Variants in PIAS4 observed in about 807,000 individuals in gnomAD.
The protein encoded by PIAS4 is E3 SUMO-protein ligase PIAS4.
A neutral mutation model predicts 58.0 loss-of-function variants in PIAS4; 7 were observed. That is an observed-to-expected ratio of 0.12 (90% CI 0.07 to 0.23). The LOEUF is 0.23. Among genes scored for constraint, PIAS4 ranks in the 10% least tolerant of loss-of-function variants. The pLI is 1.00. For synonymous variants in PIAS4, 364 were observed against 312.4 expected (o/e 1.17, Z -1.74); for missense variants, 550 against 709.5 (o/e 0.78, Z 2.55).
At chr19:4,030,719 C>CGGCT (rs1191675338) in intron 7 of PIAS4, among the ~76,000 whole-genome samples, 4 of 152,172 alleles carry the variant, frequency 2.6e-5, no homozygotes, top group Admixed American at 2.6e-4. Flanking sequence ...CCCTGCCTGG[C>CGGCT]GGCTGTGTGG....
In PIAS4 at chr19:4,037,436, G is replaced by A; in HGVS notation, c.1205G>A (p.Gly402Asp). 1 of 1,611,750 alleles carries A rather than the reference G, an allele frequency of 6.2e-7. No individual in the cohort carries two copies. The highest frequency in any genetic ancestry group is 2.2e-5 in the East Asian group (1 of 44,832). Reference protein sequence around the residue: ...DADEIEYLVDGSWCPIRAEKE... With the variant: ...DADEIEYLVDDSWCPIRAEKE... The stretch of plus-strand genomic sequence containing the variant: ...GACGAGATCGAGTACCTGGTGGACG[G>A]CTCGTGGTGCCCGATCCGCGCCGAA... The change falls in exon 10 of 11, where the codon GGC (glycine) becomes GAC (aspartate). Residue 402 changes from glycine (G) to aspartate (D), a missense_variant. Physicochemically the swap from Gly to Asp is moderately conservative, Grantham distance 94. This residue lies in a region of PIAS4 where 188 missense variants were observed against 192.0 expected (regional missense o/e 0.98). Coordinates refer to ENST00000262971, the MANE Select transcript of PIAS4 (RefSeq NM_015897.4). This position sits in a 1 kb window ranked among gnomAD's most constrained non-coding sequence, Gnocchi z 5.8.
In PIAS4 at chr19:4,037,532, A is replaced by G; in HGVS notation, c.1273+28A>G. 6.2e-7 allele frequency: 1 copy of G among 1,608,106 alleles called. No individual in the cohort carries two copies. Among genetic ancestry groups the G allele is most frequent in the South Asian group, 1.1e-5 (1 of 91,044 alleles). On this transcript the variant is annotated intron_variant, in intron 10 of 10. Coordinates refer to ENST00000262971, the MANE Select transcript of PIAS4 (RefSeq NM_015897.4). This position sits in a 1 kb window ranked among gnomAD's most constrained non-coding sequence, Gnocchi z 5.8. Reference sequence around the variant, plus strand: ...GAGTGCCTCACCCCACCAGCCGCGCAGTCCGCAGCCAGGGCCGCCTCAGTT... The same window carrying G: ...GAGTGCCTCACCCCACCAGCCGCGCGGTCCGCAGCCAGGGCCGCCTCAGTT...
intron 1 of PIAS4, among the ~76,000 whole-genome samples, chr19:4,010,190 C>T (rs948411007): frequency 6.6e-6 from 1 of 152,142 alleles, no homozygotes; most frequent in Admixed American, 6.6e-5. Context: ...GAATGCTTGT[C>T]CCCCCCGCAC....
intron 3 of PIAS4, 142 bp from the exon 4 acceptor site, chr19:4,028,004 A>G: frequency 1.2e-6 from 1 of 840,048 alleles, no homozygotes; most frequent in Non-Finnish European, 2.1e-6. Context: ...AGCCCGTACA[A>G]AAGAGTCCTG....
At chr19:4,026,814 C>G (rs1164233051) in intron 3 of PIAS4, among the ~76,000 whole-genome samples, 1 of 152,070 alleles carries the variant, frequency 6.6e-6, no homozygotes, top group Non-Finnish European at 1.5e-5. Flanking sequence ...TTCTGACTAG[C>G]TAGGATTACA....
chr19:4,023,547 G>GT (rs888117509), intron 2 of PIAS4, among the ~76,000 whole-genome samples: 7 of 152,216 alleles, frequency 4.6e-5, no homozygotes, highest in African/African-American at 9.6e-5. Flanking sequence ...AAGTAAGAGG[G>GT]TAGGGCCCAG....
rs559364885 is a variant in PIAS4, at chr19:4,037,530, G to T, written c.1273+26G>T. 9.3e-6 allele frequency: 15 copies of T among 1,607,904 alleles called. No homozygotes were observed. In the African/African-American group the frequency reaches 1.7e-4, roughly 19 times the overall value. On this transcript the variant is annotated intron_variant, in intron 10 of 10. Transcript: ENST00000262971. The surrounding 1 kb of genome is among the most constrained non-coding windows in gnomAD (Gnocchi z 5.8). Reference sequence around the variant, plus strand: ...GTGAGTGCCTCACCCCACCAGCCGCGCAGTCCGCAGCCAGGGCCGCCTCAG... The same window carrying T: ...GTGAGTGCCTCACCCCACCAGCCGCTCAGTCCGCAGCCAGGGCCGCCTCAG...
intron 7 of PIAS4, among the ~76,000 whole-genome samples, chr19:4,031,332 T>C (rs56220456): frequency 0.12 from 18,431 of 152,208 alleles, 1,436 homozygotes; most frequent in Non-Finnish European, 0.16. Context: ...GCACCCCCTC[T>C]GCAGAGCAGG....
intron 7 of PIAS4, 47 bp downstream of exon 7, chr19:4,029,083 G>A (rs751582031): frequency 1.6e-5 from 22 of 1,385,760 alleles, no homozygotes; most frequent in Non-Finnish European, 2.2e-5. Context: ...AGTCCACCCT[G>A]GAAACCCGCC....
intron 2 of PIAS4, among the ~76,000 whole-genome samples, chr19:4,016,501 A>G (rs1011579124): frequency 6.6e-6 from 1 of 152,220 alleles, no homozygotes; most frequent in Admixed American, 6.5e-5. Context: ...TGCCCAGGCC[A>G]CAGCAAGGTA....
In PIAS4 at chr19:4,038,050, T is replaced by G; in HGVS notation, c.*175T>G. 1 of 433,928 alleles carries G rather than the reference T, an allele frequency of 2.3e-6. No homozygotes were observed. Among genetic ancestry groups the G allele is most frequent in the Admixed American group, 4.6e-5 (1 of 21,616 alleles). The allele number at this position is 433,928 out of a possible 1,614,324, so 26.9% of individuals were successfully genotyped here. A position where few individuals can be genotyped will look rare whatever the true frequency, so the allele number is the denominator to read the frequency against. On this transcript the variant is annotated 3_prime_UTR_variant, in exon 11 of 11. Coordinates refer to ENST00000262971, the MANE Select transcript of PIAS4 (RefSeq NM_015897.4). The surrounding 1 kb of genome is among the most constrained non-coding windows in gnomAD (Gnocchi z 4.1). ...CCTCTGGACTCTCCTATCGGGGGAT[T>G]AAAAAAAAAAGTAAAATGACAAAAA...
chr19:4,035,163 G>A (rs2144942121), intron 9 of PIAS4, among the ~76,000 whole-genome samples: 1 of 152,292 alleles, frequency 6.6e-6, no homozygotes, highest in Non-Finnish European at 1.5e-5. Flanking sequence ...GCTCGGCGGG[G>A]CGGAGGGGCT....
At chr19:4,011,735 GGT>G (rs146924296) in intron 1 of PIAS4, among the ~76,000 whole-genome samples, 3 of 57,990 alleles carry the variant, frequency 5.2e-5, no homozygotes, top group African/African-American at 8.1e-5. Context: ...GGGGTGTGGA[GGT>G]GTGTGGGGTG....
chr19:4,029,016 C>T lies in PIAS4; in HGVS notation c.887C>T (p.Pro296Leu), dbSNP rs751060174. 2.1e-5 allele frequency: 34 copies of T among 1,605,866 alleles called. 1 individual carries two copies. Among genetic ancestry groups the T allele is most frequent in the Admixed American group, 3.4e-5 (2 of 59,098 alleles). The change falls in exon 7 of 11, where the codon CCG (proline) becomes CTG (leucine). Residue 296 changes from proline (P) to leucine (L), a missense_variant. By Grantham distance (98) the Pro-to-Leu change is moderately conservative (BLOSUM62 -3). Transcript: ENST00000262971. The stretch of plus-strand genomic sequence containing the variant: ...CTGAAGACCATTGGGGTAAAGCACC[C>T]GGAGCTGTGCAAGGCACTGGGTGAG... ...QRLKTIGVKH[P>L]ELCKALVKEK...
chr19:4,010,883 C>T (rs1176107246), intron 1 of PIAS4, among the ~76,000 whole-genome samples: 1 of 152,244 alleles, frequency 6.6e-6, no homozygotes, highest in Non-Finnish European at 1.5e-5. Context: ...GCTCTTTGGG[C>T]AGGGCTGGGC....
Position 4,037,844 on chromosome 19 carries a change from C to T in PIAS4, c.1502C>T (p.Pro501Leu). The T allele has an allele frequency of 2.6e-6, 4 of 1,568,112 alleles. No homozygotes were observed. The highest frequency in any genetic ancestry group is 2.6e-6 in the Non-Finnish European group (3 of 1,158,874). The stretch of plus-strand genomic sequence containing the variant: ...GGGCCCCGGCCCAAGCGCCGCTGCC[C>T]CTTCCAGAAGGGCCTGGTGCCGGCC... ...EEGPRPKRRCPFQKGLVPAC is the reference protein window; with the variant it reads ...EEGPRPKRRCLFQKGLVPAC Residue 501 changes from proline (P) to leucine (L), a missense_variant, in exon 11 of 11, where the codon CCC becomes CTC. Physicochemically the swap from Pro to Leu is moderately conservative, Grantham distance 98 (BLOSUM62 -3). This residue lies in a region of PIAS4 where 188 missense variants were observed against 192.0 expected (regional missense o/e 0.98). Transcript: ENST00000262971. This position sits in a 1 kb window ranked among gnomAD's most constrained non-coding sequence, Gnocchi z 5.8.
At chr19:4,009,573 C>A (rs917498664) in intron 1 of PIAS4, among the ~76,000 whole-genome samples, 2 of 151,898 alleles carry the variant, frequency 1.3e-5, no homozygotes, top group South Asian at 4.2e-4. Flanking sequence ...GGCCCCCCCC[C>A]ACCCCAATTA....
intron 7 of PIAS4, 43 bp from the exon 8 acceptor site, chr19:4,033,057 T>G (rs1216482983): frequency 6.5e-7 from 1 of 1,540,614 alleles, no homozygotes; most frequent in South Asian, 1.1e-5. Context: ...CGCGCCCTGC[T>G]GTTCCCACCC....
At chr19:4,028,668 C>G in intron 5 of PIAS4, 52 bp from the exon 6 acceptor site, 1 of 1,603,728 alleles carries the variant, frequency 6.2e-7, no homozygotes, top group South Asian at 1.1e-5. Flanking sequence ...TGGGGGCCGT[C>G]GGATTTCCCA....
Sources: allele counts gnomAD v4.1 joint callset (sites outside exome capture counted in the v4.1 genomes callset), GRCh38; gene constraint gnomAD v4.1.1; regional missense constraint gnomAD v4.1.1; non-coding constraint Gnocchi (gnomAD v3.1); transcripts MANE v1.5; gene names NCBI Gene and HGNC (gene_info 2026-07-23, HGNC 2026-07-21).